The following ERN2 variants were observed in gnomAD, a reference collection of about 807,000 sequenced individuals.
ERN2 encodes endoplasmic reticulum to nucleus signaling 2.
In ERN2, 111 loss-of-function variants were observed where a neutral mutation model predicts 107.9. The observed-to-expected ratio is 1.03, with a 90% confidence interval of 0.88 to 1.20. The LOEUF (loss-of-function observed/expected upper bound fraction) is 1.20. Ranked by LOEUF, ERN2 falls within the 50% of genes most tolerant of loss-of-function variation. The probability of loss-of-function intolerance (pLI) is 0.00; values close to 1 mark genes in which losing one functional copy is unlikely to be tolerated. For missense variants in ERN2, 1,225 were observed against 1,197.9 expected (o/e 1.02, Z -0.33); for synonymous variants, 524 against 501.7 (o/e 1.04, Z -0.59).
rs752953251 is a variant in ERN2, at chr16:23,702,377, C to G, written c.1081+13G>C. 1.2e-6 allele frequency: 2 copies of G among 1,611,696 alleles called. No homozygotes were observed. The highest frequency in any genetic ancestry group is 2.2e-5 in the South Asian group (2 of 90,872). On this transcript the variant is annotated intron_variant, in intron 10 of 21. Coordinates refer to ENST00000256797, the MANE Select transcript of ERN2 (RefSeq NM_033266.4). ...ATCTTCATCTACTCCCAATTTGAGC[C>G]AGAGGATCTCACCAATGAGCAGCCA...
At chr16:23,710,435 C>T in intron 3 of ERN2, 81 bp downstream of exon 3, 1 of 1,450,998 alleles carries the variant, frequency 6.9e-7, no homozygotes. Flanking sequence ...GTCCCTGCCC[C>T]ACATACAAAC....
chr16:23,702,872 A>G (rs903062071), intron 8 of ERN2, among the ~76,000 whole-genome samples, 170 bp from the exon 9 acceptor site: 1 of 152,196 alleles, frequency 6.6e-6, no homozygotes, highest in Non-Finnish European at 1.5e-5. Context: ...TAGAGGCTTG[A>G]AAAGTGCTTG....
At position 23,690,420 on chromosome 16, in the gene ERN2, C is replaced by T. The variant is rs1011126908; in HGVS notation, c.*411G>A. On this transcript the variant is annotated 3_prime_UTR_variant, in exon 22 of 22. Transcript: ENST00000256797. The stretch of plus-strand genomic sequence containing the variant: ...AGGGCCTGGGATCCAGCGAACATCT[C>T]TGCTTCATCAGCCCCAGGCTGCCCA... 2 of 461,426 alleles carry T rather than the reference C, an allele frequency of 4.3e-6. No individual in the cohort carries two copies. The highest frequency in any genetic ancestry group is 7.1e-5 in the Admixed American group (2 of 28,314). 28.6% of individuals were successfully genotyped at this position (461,426 alleles called of 1,614,324 possible). A position where few individuals can be genotyped will look rare whatever the true frequency, so the allele number is the denominator to read the frequency against.
chr16:23,704,959 A>C lies in ERN2; in HGVS notation c.778T>G (p.Trp260Gly). The C allele has an allele frequency of 1.9e-6, 3 of 1,613,834 alleles. No individual in the cohort carries two copies. The highest frequency in any genetic ancestry group is 2.5e-6 in the Non-Finnish European group (3 of 1,180,016). Residue 260 changes from tryptophan (W) to glycine (G), a missense_variant, in exon 8 of 22, where the codon TGG becomes GGG. Trp to Gly is a radical substitution (Grantham distance 184, BLOSUM62 -2). Coordinates refer to ENST00000256797, the MANE Select transcript of ERN2 (RefSeq NM_033266.4). ...GAGGCAGGCAGTCGGATGTGGCCCC[A>C]GCGGAGGGCGAGGAAATGCAGAGTG... ...RDTLHFLALR[W>G]GHIRLPASGP...
chr16:23,690,968 A>G lies in ERN2; in HGVS notation c.2644T>C (p.Phe882Leu). The change falls in exon 22 of 22, where the codon TTC becomes CTC. Residue 882 changes from phenylalanine to leucine, a missense_variant. By Grantham distance (22) the Phe-to-Leu change is conservative. Transcript: ENST00000256797. ...AGCAGCCGTGGGAAGCGGTTTGTGA[A>G]GTACTGGACGAAGCCATCAGGGACT... ...GQVPDGFVQYFTNRFPRLLLH... is the reference protein window; with the variant it reads ...GQVPDGFVQYLTNRFPRLLLH... The G allele has an allele frequency of 6.2e-7, 1 of 1,614,108 alleles. No homozygotes were observed.
At chr16:23,705,264 G>A in intron 7 of ERN2, 117 bp from the exon 8 acceptor site, 4 of 1,129,818 alleles carry the variant, frequency 3.5e-6, no homozygotes, top group South Asian at 1.6e-5. Flanking sequence ...AGGGTTATCT[G>A]GACATGAGAA....
chr16:23,701,261 C>T, intron 11 of ERN2, 147 bp from the exon 12 acceptor site: 1 of 730,962 alleles, frequency 1.4e-6, no homozygotes, highest in African/African-American at 1.8e-5. Flanking sequence ...CTCCACAGTG[C>T]TGAAACATCA....
chr16:23,693,538 G>A (rs1053862505), intron 17 of ERN2, among the ~76,000 whole-genome samples: 4 of 151,396 alleles, frequency 2.6e-5, no homozygotes, highest in Admixed American at 2.0e-4. Flanking sequence ...GCAGTGAGCT[G>A]AGATCATGTC....
Position 23,695,433 on chromosome 16 carries a change from A to C in ERN2, c.1611-44T>G, listed in dbSNP as rs1959774954. 2.0e-6 allele frequency: 3 copies of C among 1,536,048 alleles called. No individual in the cohort carries two copies. In the South Asian group the frequency reaches 3.6e-5, roughly 18 times the overall value. ...CGGGGGCAGGGGGGCATTCAGGGAA[A>C]GCAGATAAAGGGACAAACATGGTGG... On this transcript the variant is annotated intron_variant, in intron 14 of 21. Coordinates refer to ENST00000256797, the MANE Select transcript of ERN2 (RefSeq NM_033266.4).
chr16:23,710,529 T>C lies in ERN2; in HGVS notation c.220A>G (p.Met74Val), dbSNP rs139061485. The change falls in exon 3 of 22, where the codon ATG becomes GTG. Residue 74 changes from methionine (M) to valine (V), a missense_variant. Coordinates refer to ENST00000256797, the MANE Select transcript of ERN2 (RefSeq NM_033266.4). Reference sequence around the variant, plus strand: ...AGGTTCACTTACTCTGTGACGTACATTGGTCCTTCGATGACGGGATCTGCA... The same window carrying C: ...AGGTTCACTTACTCTGTGACGTACACTGGTCCTTCGATGACGGGATCTGCA... Reference protein sequence around the residue: ...LRDDPVIEGPMYVTEMAFLSD... With the variant: ...LRDDPVIEGPVYVTEMAFLSD... 4.2e-5 allele frequency: 68 copies of C among 1,614,092 alleles called. No homozygotes were observed. Among genetic ancestry groups the C allele is most frequent in the African/African-American group, 1.2e-4 (9 of 74,936 alleles).
rs1183386675 is a variant in ERN2, at chr16:23,702,434, T to C, written c.1037A>G (p.Tyr346Cys). The change falls in exon 10 of 22, where the codon TAC becomes TGC. Residue 346 changes from tyrosine to cysteine, a missense_variant. By Grantham distance (194) the Tyr-to-Cys change is radical. Transcript: ENST00000256797. Reference protein sequence around the residue: ...REGSPSTAVRYPSGSVALPSQ... With the variant: ...REGSPSTAVRCPSGSVALPSQ... Reference sequence around the variant, plus strand: ...TGGGAGGGCCACACTGCCTGAGGGGTATCTAACAGCAGTGCTGGGTGAGCC... The same window carrying C: ...TGGGAGGGCCACACTGCCTGAGGGGCATCTAACAGCAGTGCTGGGTGAGCC... The C allele has an allele frequency of 6.2e-7, 1 of 1,613,136 alleles. No individual in the cohort carries two copies. Among genetic ancestry groups the C allele is most frequent in the Non-Finnish European group, 8.5e-7 (1 of 1,180,014 alleles).
At chr16:23,710,303 G>A in intron 3 of ERN2, 59 bp from the exon 4 acceptor site, 1 of 1,442,936 alleles carries the variant, frequency 6.9e-7, no homozygotes, top group Non-Finnish European at 9.8e-7. Context: ...TTTCATGAAG[G>A]CCCCAAATTC....
At chr16:23,711,648 G>T (rs929839972) in intron 1 of ERN2, among the ~76,000 whole-genome samples, 7 of 152,108 alleles carry the variant, frequency 4.6e-5, no homozygotes, top group African/African-American at 1.7e-4. Context: ...ATGAGCCACT[G>T]CACCCATTCT....
At chr16:23,709,987 A>T in intron 4 of ERN2, 185 bp downstream of exon 4, 1 of 585,628 alleles carries the variant, frequency 1.7e-6, no homozygotes, top group Non-Finnish European at 3.1e-6. Flanking sequence ...CTGCAGACAC[A>T]GCCAGACCTC....
intron 2 of ERN2, 94 bp from the exon 3 acceptor site, chr16:23,710,643 G>A: frequency 7.2e-6 from 10 of 1,395,488 alleles, no homozygotes; most frequent in Non-Finnish European, 1.0e-5. Context: ...TGACTGTGAT[G>A]TCAAGCACTT....
rs148146066 is a variant in ERN2 at position 23,691,158 on chromosome 16, G to C, written c.2539C>G (p.Arg847Gly). The C allele has an allele frequency of 3.1e-6, 5 of 1,613,880 alleles. No individual in the cohort carries two copies. Among genetic ancestry groups the C allele is most frequent in the Non-Finnish European group, 3.4e-6 (4 of 1,180,010 alleles). Residue 847 changes from arginine (R) to glycine (G), a missense_variant, in exon 21 of 22, where the codon CGA becomes GGA. Transcript: ENST00000256797. ...TTCCTCACAGCACGGAGCAGGTCTC[G>C]CACTGATGTCCCCTTATAGGACCGG... ...KFRSYKGTSV[R>G]DLLRAVRNKK...
chr16:23,709,666 T>C (rs9940582), intron 4 of ERN2: 100,962 of 174,924 alleles, frequency 0.58, 30,422 homozygotes, highest in African/African-American at 0.71. Flanking sequence ...CCCAGCCACC[T>C]CTGCCAAAAG....
rs137963364 is a variant in ERN2 at position 23,694,788 on chromosome 16, G to A, written c.2040C>T (p.Ile680=). Residue 680 remains isoleucine, a synonymous_variant, in exon 17 of 22, where the codon ATC becomes ATT. Transcript: ENST00000256797. ...GRCSFSLHSG[I]PGTEGWMAPE... is the part of the protein sequence containing the mutation. ...GCGCCATCCAGCCTTCCGTGCCGGG[G>A]ATGCCGGAGTGGAGGCTGAAGCTAC... The A allele has an allele frequency of 1.9e-5, 30 of 1,613,298 alleles. No individual in the cohort carries two copies. The African/African-American group carries it at 2.3e-4, about 12-fold the overall frequency.
chr16:23,705,993 G>T (rs1232986853), intron 7 of ERN2, among the ~76,000 whole-genome samples: 1 of 152,090 alleles, frequency 6.6e-6, no homozygotes, highest in African/African-American at 2.4e-5. Context: ...GCTTTCAGGG[G>T]TTATATATAG....
Sources: gnomAD v4.1 joint callset for allele counts (sites outside exome capture counted in the v4.1 genomes callset) on GRCh38, gnomAD v4.1.1 for gene constraint, MANE v1.5 for transcripts, NCBI Gene and HGNC (gene_info 2026-07-23, HGNC 2026-07-21) for gene names.